Variants in C1D observed in about 807,000 individuals in gnomAD.
C1D encodes the protein nuclear nucleic acid-binding protein C1D.
C1D carries 10 observed loss-of-function variants against 17.5 expected under a neutral mutation model. The ratio of observed to expected loss-of-function variants is 0.57; its 90% CI spans 0.35 to 0.97. The LOEUF (loss-of-function observed/expected upper bound fraction) is 0.97. Ranked by LOEUF, C1D falls within the 50% of genes least tolerant of loss-of-function variation. The probability of loss-of-function intolerance (pLI) is 0.01; values close to 1 mark genes in which losing one functional copy is unlikely to be tolerated. For synonymous variants in C1D, 49 were observed against 54.0 expected (o/e 0.91, Z 0.40); for missense variants, 136 against 160.1 (o/e 0.85, Z 0.81).
At chr2:68,056,150 T>A (rs1350227207) in intron 1 of C1D, among the ~76,000 whole-genome samples, 1 of 152,174 alleles carries the variant, frequency 6.6e-6, no homozygotes, top group African/African-American at 2.4e-5. Flanking sequence ...TGAGACAGAG[T>A]CTTGCTGTCT....
chr2:68,045,293 T>C (rs775305372), intron 4 of C1D, among the ~76,000 whole-genome samples: 1 of 152,170 alleles, frequency 6.6e-6, no homozygotes, highest in African/African-American at 2.4e-5. Flanking sequence ...AAAGAATCAA[T>C]TTATTAATAT....
At chr2:68,057,246 G>C (rs1172016202) in intron 1 of C1D, among the ~76,000 whole-genome samples, 1 of 152,110 alleles carries the variant, frequency 6.6e-6, no homozygotes, top group Non-Finnish European at 1.5e-5. Flanking sequence ...TCCCCTACTG[G>C]GTTCAAGTGA....
intron 1 of C1D, among the ~76,000 whole-genome samples, chr2:68,056,907 TC>T (rs1365487608): frequency 1.3e-5 from 2 of 152,168 alleles, no homozygotes; most frequent in Admixed American, 6.5e-5. Context: ...CAATTTTACT[TC>T]TCAAAGTATA....
At chr2:68,051,192 A>C (rs947759642) in intron 1 of C1D, among the ~76,000 whole-genome samples, 2 of 152,146 alleles carry the variant, frequency 1.3e-5, no homozygotes, top group African/African-American at 4.8e-5. Context: ...GAAACTTCCA[A>C]AGGCTTGCCA....
rs567501898 is a variant in C1D at position 68,042,078 on chromosome 2, A to C, written c.*811T>G. The C allele has an allele frequency of 5.3e-5, 8 of 152,162 alleles. 1 individual carries two copies. Among genetic ancestry groups the C allele is most frequent in the Admixed American group, 2.6e-4 (4 of 15,290 alleles). The allele number at this position is 152,162 out of a possible 1,614,324, so 9.4% of individuals were successfully genotyped here. A position where few individuals can be genotyped will look rare whatever the true frequency, so the allele number is the denominator to read the frequency against. ...AAAATCTGAAAAAAAATGAGATGAA[A>C]AGAACTGTGGACACCATGCATCAGG... is the stretch of plus-strand genomic sequence containing the variant. On this transcript the variant is annotated 3_prime_UTR_variant, in exon 5 of 5. Transcript: ENST00000410067.
rs945368085 is a variant in C1D at position 68,046,421 on chromosome 2, AGAAAGAGAGAGG to A, written c.139-23_139-12del. The A allele has an allele frequency of 3.8e-6, 6 of 1,594,290 alleles. No homozygotes were observed. The highest frequency in any genetic ancestry group is 5.2e-6 in the Non-Finnish European group (6 of 1,164,052). On this transcript the variant is annotated splice_polypyrimidine_tract_variant and intron_variant, in intron 2 of 4. Transcript: ENST00000410067. The stretch of plus-strand genomic sequence containing the variant: ...TTCAAGTGGATCCAACTGTTAAAAA[AGAAAGAGAGAGG>A]GAAAGAGAGAAAGTGAGACAGAAAA...
At chr2:68,059,281 C>T (rs1200427517) in intron 1 of C1D, among the ~76,000 whole-genome samples, 1 of 152,110 alleles carries the variant, frequency 6.6e-6, no homozygotes, top group East Asian at 1.9e-4. Flanking sequence ...CCTCCATGAC[C>T]CAAATATCTC....
chr2:68,046,126 AAAAGG>A, intron 3 of C1D, 83 bp from the exon 4 acceptor site: 1 of 1,012,992 alleles, frequency 9.9e-7, no homozygotes, highest in Admixed American at 2.8e-5. Context: ...TTATTCACAA[AAAAGG>A]AAAGTCCTAC....
At chr2:68,060,638 A>G (rs370004059) in intron 1 of C1D, among the ~76,000 whole-genome samples, 186 of 152,080 alleles carry the variant, frequency 1.2e-3, no homozygotes, top group African/African-American at 4.2e-3. Context: ...GTGAGACTCC[A>G]AAAGAAAAGA....
chr2:68,061,280 T>C (rs544183006), intron 1 of C1D, among the ~76,000 whole-genome samples: 33 of 152,374 alleles, frequency 2.2e-4, no homozygotes, highest in Non-Finnish European at 3.4e-4. Flanking sequence ...GGGCAAACAG[T>C]GACTCCATGT....
intron 1 of C1D, among the ~76,000 whole-genome samples, chr2:68,050,213 A>C (rs7573384): frequency 4.1e-4 from 63 of 151,808 alleles, no homozygotes; most frequent in African/African-American, 1.5e-3. Context: ...CTCTAAACTT[A>C]CTCCAGTTTG....
chr2:68,057,044 A>G (rs2103814054), intron 1 of C1D, among the ~76,000 whole-genome samples: 1 of 152,348 alleles, frequency 6.6e-6, no homozygotes, highest in African/African-American at 2.4e-5. Context: ...ATGCCCACCT[A>G]TTAAAATACT....
intron 1 of C1D, among the ~76,000 whole-genome samples, chr2:68,058,447 A>G (rs1339039954): frequency 1.3e-5 from 2 of 152,224 alleles, no homozygotes; most frequent in Non-Finnish European, 1.5e-5. Flanking sequence ...TCGATGACAG[A>G]GATGAATTAA....
At position 68,051,081 on chromosome 2, in the gene C1D, T is replaced by C. The variant is rs980844844; in HGVS notation, c.-9-3762A>G. ...TATCCTGGTCCAAACCATGCCTGAATGCCCTCCTAAATAGCCTTCTTGCTT... is the reference window on the plus strand; with the variant it reads ...TATCCTGGTCCAAACCATGCCTGAACGCCCTCCTAAATAGCCTTCTTGCTT... On this transcript the variant is annotated intron_variant, in intron 1 of 4. Transcript: ENST00000410067. Among the ~76,000 whole-genome samples the C allele has an allele frequency of 2.6e-5, 4 of 152,368 alleles. No individual in the cohort carries two copies. The South Asian group carries it at 8.3e-4, about 32-fold the overall frequency.
At chr2:68,058,555 GTCACAGGGCTGGTAAGTGGTAAAGT>G (rs1249444583) in intron 1 of C1D, among the ~76,000 whole-genome samples, 4 of 152,178 alleles carry the variant, frequency 2.6e-5, no homozygotes, top group African/African-American at 9.7e-5. Context: ...ACAGAAACAG[GTCACAGGGCTGGTAAGTGGTAAAGT>G]TCGGCAGAAT....
intron 1 of C1D, among the ~76,000 whole-genome samples, chr2:68,051,482 A>G (rs2103804574): frequency 6.6e-6 from 1 of 152,212 alleles, no homozygotes; most frequent in South Asian, 2.1e-4. Flanking sequence ...ACACAGCAAG[A>G]CCCCAACTCT....
At chr2:68,046,516 T>C (rs1362911958) in intron 2 of C1D, 106 bp from the exon 3 acceptor site, 3 of 718,500 alleles carry the variant, frequency 4.2e-6, no homozygotes, top group Non-Finnish European at 7.0e-6. Context: ...AAGTACAATG[T>C]ATCAAAGAAG....
At chr2:68,044,812 C>A (rs1318422999) in intron 4 of C1D, among the ~76,000 whole-genome samples, 1 of 152,144 alleles carries the variant, frequency 6.6e-6, no homozygotes, top group Non-Finnish European at 1.5e-5. Context: ...AAAGTAGATT[C>A]TGAGGTAGAA....
intron 1 of C1D, among the ~76,000 whole-genome samples, chr2:68,061,030 G>A (rs893173112): frequency 6.6e-6 from 1 of 152,092 alleles, no homozygotes; most frequent in Non-Finnish European, 1.5e-5. Context: ...ACAAACATAC[G>A]ATAATGTACA....
Sources: gnomAD v4.1 joint callset for allele counts (sites outside exome capture counted in the v4.1 genomes callset) on GRCh38, gnomAD v4.1.1 for gene constraint, MANE v1.5 for transcripts, NCBI Gene and HGNC (gene_info 2026-07-23, HGNC 2026-07-21) for gene names.